The following C7orf78 variants were observed in gnomAD, a reference collection of about 807,000 sequenced individuals.
C7orf78 encodes the protein putative uncharacterized protein C7orf78.
At chr7:12,512,069 C>CT in the C7orf78 span, among the ~76,000 whole-genome samples, 2 of 151,864 alleles carry the variant, frequency 1.3e-5, no homozygotes, top group African/African-American at 4.8e-5. Flanking sequence ...GCCACCACGC[C>CT]TGGCCTGAAT....
chr7:12,526,057 C>T, the C7orf78 span, among the ~76,000 whole-genome samples: 1 of 151,978 alleles, frequency 6.6e-6, no homozygotes, highest in Non-Finnish European at 1.5e-5. Context: ...TTATTTGCAA[C>T]AATACGTTTA....
the C7orf78 span, among the ~76,000 whole-genome samples, chr7:12,500,125 G>C: frequency 4.3e-5 from 6 of 138,070 alleles, no homozygotes; most frequent in Non-Finnish European, 9.4e-5. Context: ...ACAAGAGAAA[G>C]CAGGAAAGAT....
At chr7:12,498,760 G>C in the C7orf78 span, among the ~76,000 whole-genome samples, 7 of 149,152 alleles carry the variant, frequency 4.7e-5, no homozygotes, top group East Asian at 1.4e-3. Context: ...CTCGAGAAGA[G>C]CAACTCCAAG....
At chr7:12,531,069 G>A in the C7orf78 span, 11 of 398,328 alleles carry the variant, frequency 2.8e-5, no homozygotes, top group Non-Finnish European at 3.5e-5. Flanking sequence ...TGGAAGAAAA[G>A]TTTACAAAGA....
the C7orf78 span, among the ~76,000 whole-genome samples, chr7:12,498,607 AT>A: frequency 2.0e-5 from 3 of 152,218 alleles, no homozygotes; most frequent in Non-Finnish European, 4.4e-5. Context: ...TCTACGTCTG[AT>A]TGGTGTACCT....
chr7:12,504,269 A>G, the C7orf78 span: 7 of 152,262 alleles, frequency 4.6e-5, no homozygotes, highest in East Asian at 7.7e-4. Context: ...CTGATTTTCA[A>G]CCTTTGGAAA....
At chr7:12,483,728 A>AAT in the C7orf78 span, 3 of 150,746 alleles carry the variant, frequency 2.0e-5, no homozygotes, top group African/African-American at 7.3e-5. Context: ...AAAAAAAAAA[A>AAT]TTAGCTGGTC....
the C7orf78 span, among the ~76,000 whole-genome samples, chr7:12,531,487 G>A: frequency 6.6e-6 from 1 of 152,024 alleles, no homozygotes; most frequent in Non-Finnish European, 1.5e-5. Context: ...TGGATGATTT[G>A]CTTAAATTTT....
At chr7:12,540,484 AGTGTTTAGTCAG>A in the C7orf78 span, among the ~76,000 whole-genome samples, 1 of 151,554 alleles carries the variant, frequency 6.6e-6, no homozygotes, top group African/African-American at 2.5e-5. Context: ...CAGACTATGC[AGTGTTTAGTCAG>A]GTATTATAAT....
chr7:12,495,115 C>T, the C7orf78 span, among the ~76,000 whole-genome samples: 1 of 152,190 alleles, frequency 6.6e-6, no homozygotes, highest in South Asian at 2.1e-4. Context: ...TGTTCACCCA[C>T]CATGTGTCCA....
At chr7:12,491,378 C>T in the C7orf78 span, 1 of 152,098 alleles carries the variant, frequency 6.6e-6, no homozygotes, top group African/African-American at 2.4e-5. Context: ...TTTTTTAGCT[C>T]TATCAGCCTA....
At chr7:12,525,884 A>T in the C7orf78 span, 1 of 397,202 alleles carries the variant, frequency 2.5e-6, no homozygotes, top group East Asian at 3.6e-5. Context: ...TTAAAATTTA[A>T]ATCACAACAC....
the C7orf78 span, among the ~76,000 whole-genome samples, chr7:12,534,194 T>C: frequency 6.6e-6 from 1 of 152,198 alleles, no homozygotes; most frequent in Non-Finnish European, 1.5e-5. Flanking sequence ...TCATTTGTAC[T>C]AGCCCTGTCA....
chr7:12,490,487 G>C, the C7orf78 span, among the ~76,000 whole-genome samples: 1 of 152,060 alleles, frequency 6.6e-6, no homozygotes, highest in Non-Finnish European at 1.5e-5. Context: ...GGGGAAGGAA[G>C]ATTTTTATTA....
chr7:12,486,295 T>A, the C7orf78 span, among the ~76,000 whole-genome samples: 22 of 152,034 alleles, frequency 1.4e-4, no homozygotes, highest in Admixed American at 1.4e-3. Flanking sequence ...ATATAGTCCA[T>A]GTAAAGTTCT....
the C7orf78 span, chr7:12,506,896 A>G: frequency 2.1e-6 from 1 of 477,592 alleles, no homozygotes. Context: ...GTTTAAGAAC[A>G]TGTTTTTGGT....
the C7orf78 span, among the ~76,000 whole-genome samples, chr7:12,503,197 A>G: frequency 7.2e-6 from 1 of 138,430 alleles, no homozygotes; most frequent in Non-Finnish European, 1.6e-5. Flanking sequence ...ACTAAGCTGC[A>G]CAATGTGCAC....
At chr7:12,523,155 C>T in the C7orf78 span, 5 of 398,260 alleles carry the variant, frequency 1.3e-5, no homozygotes, top group Non-Finnish European at 1.8e-5. Flanking sequence ...ATAAAGCCTC[C>T]TGATTTTAGC....
the C7orf78 span, among the ~76,000 whole-genome samples, chr7:12,527,755 A>G: frequency 6.7e-6 from 1 of 148,998 alleles, no homozygotes; most frequent in African/African-American, 2.5e-5. Context: ...GCTATGTGTC[A>G]CTCACTTTCG....
Sources: gnomAD v4.1 joint callset for allele counts (sites outside exome capture counted in the v4.1 genomes callset) on GRCh38, gnomAD v4.1.1 for gene constraint, MANE v1.5 for transcripts, NCBI Gene and HGNC (gene_info 2026-07-23, HGNC 2026-07-21) for gene names.